USO1: variants seen among roughly 807,000 people sequenced by gnomAD.
USO1 encodes the protein USO1 vesicle transport factor, also known as general vesicular transport factor p115.
USO1 carries 57 observed loss-of-function variants against 124.5 expected under a neutral mutation model. That is an observed-to-expected ratio of 0.46 (90% CI 0.37 to 0.57). The LOEUF (loss-of-function observed/expected upper bound fraction) is 0.57. Among genes scored for constraint, USO1 ranks in the 20% least tolerant of loss-of-function variants. The probability of loss-of-function intolerance (pLI) is 0.00; values close to 1 mark genes in which losing one functional copy is unlikely to be tolerated. For synonymous variants in USO1, 369 were observed against 362.8 expected (o/e 1.02, Z -0.19); for missense variants, 900 against 1,040.6 (o/e 0.86, Z 1.86).
rs148068032 is a variant in USO1, at chr4:75,790,224, T to C, written c.1071T>C (p.Pro357=). 4 of 1,598,492 alleles carry C rather than the reference T, an allele frequency of 2.5e-6. No individual in the cohort carries two copies. In the African/African-American group the frequency reaches 5.3e-5, roughly 21 times the overall value. ...NQDYFASVNA[P]SNPPRPAIVV... ...ACTACTTTGCATCTGTAAATGCACC[T>C]TCAAACCCACCAAGGTAGAAAAAGG... Residue 357 remains proline, a synonymous_variant, in exon 11 of 24, where the codon CCT becomes CCC. Transcript: ENST00000514213.
chr4:75,759,236 T>C (rs904423417), intron 4 of USO1, among the ~76,000 whole-genome samples: 3 of 133,214 alleles, frequency 2.3e-5, no homozygotes, highest in Middle Eastern at 3.8e-3. Flanking sequence ...GAATCACTTT[T>C]ATTAAGGACC....
In USO1 at chr4:75,752,576, C is replaced by T. The variant is rs1721322353; in HGVS notation, c.190C>T (p.His64Tyr). ...GGAAGTGGGTATACAAGCTATGGAA[C>T]ATCTTATTCATGTTTTACAAACAGA... ...RLEVGIQAME[H>Y]LIHVLQTDRS... Residue 64 changes from histidine (H) to tyrosine (Y), a missense_variant, in exon 3 of 24, where the codon CAT becomes TAT. His to Tyr is a moderately conservative substitution (Grantham distance 83). Around this residue, in one of 2 missense-constraint regions of USO1, gnomAD observed 538 missense variants for 681.6 expected, o/e 0.79. Transcript: ENST00000514213. 1.3e-5 allele frequency: 5 copies of T among 398,372 alleles called. No individual in the cohort carries two copies. In the Admixed American group the frequency reaches 2.2e-4, roughly 18 times the overall value. The allele number at this position is 398,372 out of a possible 1,614,324, so 24.7% of individuals were successfully genotyped here. A position where few individuals can be genotyped will look rare whatever the true frequency, so the allele number is the denominator to read the frequency against.
chr4:75,776,863 A>C (rs1390959407), intron 8 of USO1, among the ~76,000 whole-genome samples: 2 of 152,204 alleles, frequency 1.3e-5, no homozygotes, highest in Non-Finnish European at 2.9e-5. Context: ...CTTGAAAAGC[A>C]TTTAAAATGT....
chr4:75,758,644 A>C (rs1191055637), intron 4 of USO1, among the ~76,000 whole-genome samples: 2 of 152,090 alleles, frequency 1.3e-5, no homozygotes, highest in African/African-American at 4.8e-5. Context: ...GCACTTTGGG[A>C]GGCTGGGGTG....
chr4:75,774,936 C>A lies in USO1; in HGVS notation c.676+140C>A, dbSNP rs1006511873. 3.9e-6 allele frequency: 5 copies of A among 1,277,612 alleles called. No homozygotes were observed. The Admixed American group carries it at 9.4e-5, about 24-fold the overall frequency. 79.1% of individuals were successfully genotyped at this position (1,277,612 alleles called of 1,614,324 possible). ...TCTTTCACTATGGCATGTTGACTATCGATTTCTCTTTATCCTGTTTCATAT... is the reference window on the plus strand; with the variant it reads ...TCTTTCACTATGGCATGTTGACTATAGATTTCTCTTTATCCTGTTTCATAT... On this transcript the variant is annotated intron_variant, in intron 8 of 23. Transcript: ENST00000514213.
intron 4 of USO1, among the ~76,000 whole-genome samples, chr4:75,761,675 G>C (rs1463183780): frequency 1.3e-5 from 2 of 151,724 alleles, no homozygotes; most frequent in African/African-American, 4.8e-5. Flanking sequence ...TTTTAACATT[G>C]ATACTTGTTT....
intron 17 of USO1, among the ~76,000 whole-genome samples, chr4:75,803,559 A>G (rs1310462394): frequency 6.6e-6 from 1 of 151,588 alleles, no homozygotes. Flanking sequence ...CTGACGCAGG[A>G]GAATTGCTTG....
At chr4:75,760,328 T>C (rs1721569470) in intron 4 of USO1, among the ~76,000 whole-genome samples, 1 of 152,246 alleles carries the variant, frequency 6.6e-6, no homozygotes, top group Admixed American at 6.5e-5. Context: ...GCTGACACAA[T>C]GAACTACATT....
Position 75,782,660 on chromosome 4 carries a change from GTT to G in USO1, c.677-17_677-16del. The G allele has an allele frequency of 6.5e-7, 1 of 1,531,224 alleles. No homozygotes were observed. 94.9% of individuals were successfully genotyped at this position (1,531,224 alleles called of 1,614,324 possible). On this transcript the variant is annotated intron_variant, in intron 8 of 23. Coordinates refer to ENST00000514213, the MANE Select transcript of USO1 (RefSeq NM_003715.4). Reference sequence around the variant, plus strand: ...AGGTTTTACGAGCCTTAACGCTTGTGTTTTACATTATTTCCCCAGGTATAGTA... The same window carrying G: ...AGGTTTTACGAGCCTTAACGCTTGTGTTACATTATTTCCCCAGGTATAGTA...
intron 1 of USO1, among the ~76,000 whole-genome samples, chr4:75,741,905 T>G (rs1159044081): frequency 6.6e-6 from 1 of 152,148 alleles, no homozygotes; most frequent in African/African-American, 2.4e-5. Flanking sequence ...ACTTTTTTGT[T>G]AAAAACTAAG....
intron 4 of USO1, among the ~76,000 whole-genome samples, chr4:75,759,246 C>CTGTTTTTTTTTTTTTT (rs1721527113): frequency 1.4e-5 from 1 of 69,126 alleles, no homozygotes; most frequent in Non-Finnish European, 2.4e-5. Context: ...TATTAAGGAC[C>CTGTTTTTTTTTTTTTT]TTTTTTTTTT....
At chr4:75,760,624 A>T (rs1721578067) in intron 4 of USO1, 3 of 397,876 alleles carry the variant, frequency 7.5e-6, no homozygotes, top group Non-Finnish European at 1.3e-5. Context: ...TTGCATTTAC[A>T]TCTGCATGAT....
At chr4:75,735,341 A>G (rs1300332013) in intron 1 of USO1, among the ~76,000 whole-genome samples, 1 of 152,164 alleles carries the variant, frequency 6.6e-6, no homozygotes, top group Non-Finnish European at 1.5e-5. Flanking sequence ...CTTTTAGTGG[A>G]ACCTGTTGGG....
intron 1 of USO1, among the ~76,000 whole-genome samples, chr4:75,746,632 T>C (rs1721134554): frequency 2.0e-5 from 3 of 152,228 alleles, no homozygotes. Flanking sequence ...TTGGCTTCAG[T>C]TGTCTGTAAA....
intron 4 of USO1, among the ~76,000 whole-genome samples, chr4:75,757,860 C>T (rs1721491720): frequency 6.6e-6 from 1 of 151,640 alleles, no homozygotes; most frequent in Admixed American, 6.6e-5. Context: ...TGCATATTAG[C>T]CAGTTCTGGA....
chr4:75,731,561 C>CAA (rs35766448), intron 1 of USO1, among the ~76,000 whole-genome samples: 2 of 138,178 alleles, frequency 1.4e-5, no homozygotes, highest in African/African-American at 5.4e-5. Flanking sequence ...GACTCCGTCT[C>CAA]AAAAAAAAAA....
chr4:75,774,118 G>T (rs986282612), intron 7 of USO1, among the ~76,000 whole-genome samples: 1 of 152,176 alleles, frequency 6.6e-6, no homozygotes, highest in African/African-American at 2.4e-5. Flanking sequence ...AATGGCTGCT[G>T]TGAATTGTCT....
chr4:75,734,223 C>T (rs771494130), intron 1 of USO1, among the ~76,000 whole-genome samples: 11 of 152,144 alleles, frequency 7.2e-5, no homozygotes, highest in East Asian at 1.9e-4. Context: ...GGATTACAGG[C>T]GTAAGCCACC....
At chr4:75,779,649 A>G (rs1304171452) in intron 8 of USO1, among the ~76,000 whole-genome samples, 1 of 152,218 alleles carries the variant, frequency 6.6e-6, no homozygotes, top group African/African-American at 2.4e-5. Context: ...CAAGCTGCAC[A>G]AGGAAAGTTG....
Sources: gnomAD v4.1 joint callset for allele counts (sites outside exome capture counted in the v4.1 genomes callset) on GRCh38, gnomAD v4.1.1 for gene constraint, gnomAD v4.1.1 regional missense constraint, MANE v1.5 for transcripts, NCBI Gene and HGNC (gene_info 2026-07-23, HGNC 2026-07-21) for gene names.